USP32: variants seen among roughly 807,000 people sequenced by gnomAD.
The protein encoded by USP32 is ubiquitin specific peptidase 32, also known as ubiquitin carboxyl-terminal hydrolase 32.
Under a neutral mutation model 204.8 loss-of-function variants are expected in USP32, and 59 were observed. The ratio of observed to expected loss-of-function variants is 0.29; its 90% CI spans 0.23 to 0.36. The LOEUF (loss-of-function observed/expected upper bound fraction) is 0.36, where lower values mean the gene tolerates loss of function less well. Ranked by LOEUF, USP32 falls within the 10% of genes least tolerant of loss-of-function variation. The probability of loss-of-function intolerance (pLI) is 1.00; values close to 1 mark genes in which losing one functional copy is unlikely to be tolerated. For synonymous variants in USP32, 517 were observed against 678.4 expected (o/e 0.76, Z 3.70); for missense variants, 1,160 against 1,946.4 (o/e 0.60, Z 7.60).
intron 2 of USP32, among the ~76,000 whole-genome samples, chr17:60,328,977 C>T (rs1228251474): frequency 6.6e-6 from 1 of 152,174 alleles, no homozygotes; most frequent in East Asian, 1.9e-4. Context: ...GGCATGAGAT[C>T]CAGGCTGGTA....
intron 24 of USP32, 192 bp downstream of exon 24, chr17:60,207,867 T>A: frequency 1.1e-6 from 1 of 890,802 alleles, no homozygotes; most frequent in African/African-American, 1.8e-5. Context: ...ATCAGTATTA[T>A]CCCTTTATTC....
chr17:60,382,962 C>T (rs1057333661), intron 1 of USP32, among the ~76,000 whole-genome samples: 12 of 152,016 alleles, frequency 7.9e-5, no homozygotes, highest in African/African-American at 2.9e-4. Context: ...AAACTTTAAG[C>T]ACAGGCCGGG....
chr17:60,219,526 C>T, intron 16 of USP32, 144 bp downstream of exon 16: 1 of 1,120,844 alleles, frequency 8.9e-7, no homozygotes, highest in Non-Finnish European at 1.2e-6. Flanking sequence ...TGTATCAATA[C>T]AGTGGCACCA....
At chr17:60,330,687 C>G (rs1034018341) in intron 2 of USP32, among the ~76,000 whole-genome samples, 1 of 152,050 alleles carries the variant, frequency 6.6e-6, no homozygotes, top group Non-Finnish European at 1.5e-5. Flanking sequence ...GCTGGGACTA[C>G]AGACACATAT....
chr17:60,210,527 G>A (rs1311261949), intron 21 of USP32, among the ~76,000 whole-genome samples: 1 of 152,138 alleles, frequency 6.6e-6, no homozygotes, highest in East Asian at 1.9e-4. Context: ...GGCTGGTCTT[G>A]AACTCCTGGC....
intron 7 of USP32, among the ~76,000 whole-genome samples, chr17:60,266,430 G>A (rs1356707474): frequency 6.6e-6 from 1 of 152,134 alleles, no homozygotes; most frequent in African/African-American, 2.4e-5. Flanking sequence ...AGGAAGTAAT[G>A]CAAACCCCTA....
At chr17:60,235,020 A>G (rs1456460553) in intron 12 of USP32, among the ~76,000 whole-genome samples, 1 of 152,192 alleles carries the variant, frequency 6.6e-6, no homozygotes, top group Non-Finnish European at 1.5e-5. Context: ...CAAAAGGACT[A>G]TGGTAGGCAA....
intron 1 of USP32, among the ~76,000 whole-genome samples, chr17:60,346,749 C>T (rs1024179063): frequency 6.6e-6 from 1 of 152,132 alleles, no homozygotes; most frequent in African/African-American, 2.4e-5. Flanking sequence ...ACAGAGAATT[C>T]TTCCAGATGA....
chr17:60,257,796 GT>G (rs1024015584), intron 9 of USP32, among the ~76,000 whole-genome samples: 5 of 149,134 alleles, frequency 3.4e-5, no homozygotes, highest in South Asian at 2.1e-4. Flanking sequence ...GCTTTTTGGT[GT>G]TTTTTTTTTC....
intron 12 of USP32, among the ~76,000 whole-genome samples, chr17:60,228,256 T>C (rs566484434): frequency 6.6e-6 from 1 of 152,250 alleles, no homozygotes; most frequent in African/African-American, 2.4e-5. Flanking sequence ...ACACAAGTGA[T>C]CCACCTGCCT....
At chr17:60,349,991 G>GT (rs375659862) in intron 1 of USP32, among the ~76,000 whole-genome samples, 1 of 150,742 alleles carries the variant, frequency 6.6e-6, no homozygotes, top group Non-Finnish European at 1.5e-5. Flanking sequence ...CTGCTCTGTG[G>GT]TTTTTTCGTT....
intron 1 of USP32, chr17:60,421,914 G>A (rs983565855): frequency 4.8e-5 from 47 of 985,486 alleles, no homozygotes; most frequent in Non-Finnish European, 5.4e-5. Context: ...CGGGACCGCT[G>A]CGGTACCTGC....
At chr17:60,265,686 C>T (rs1188894078) in intron 8 of USP32, among the ~76,000 whole-genome samples, 1 of 152,192 alleles carries the variant, frequency 6.6e-6, no homozygotes, top group East Asian at 1.9e-4. Context: ...GCAAGAACTA[C>T]TGCGCCCGGC....
At chr17:60,412,949 G>T (rs1300561586) in intron 1 of USP32, among the ~76,000 whole-genome samples, 1 of 151,956 alleles carries the variant, frequency 6.6e-6, no homozygotes, top group Non-Finnish European at 1.5e-5. Context: ...TTAGAAACAC[G>T]CTCTAAAGTT....
chr17:60,352,859 A>T (rs1265506458), intron 1 of USP32, among the ~76,000 whole-genome samples: 1 of 152,228 alleles, frequency 6.6e-6, no homozygotes, highest in Non-Finnish European at 1.5e-5. Context: ...GATTCAAGAG[A>T]TAAACTCAAC....
chr17:60,288,482 A>G (rs201336325), intron 5 of USP32, 41 bp downstream of exon 5: 6 of 1,541,658 alleles, frequency 3.9e-6, no homozygotes, highest in Non-Finnish European at 5.2e-6. Flanking sequence ...TTATATATAT[A>G]AAAAAAGGCA....
At position 60,321,644 on chromosome 17, in the gene USP32, A is replaced by G. The variant is rs184028085; in HGVS notation, c.187-19940T>C. ...ATGAGGGCAAACATTCTTGAAATGA[A>G]TGGAAACACAACAGTTTAAACATAG... On this transcript the variant is annotated intron_variant, in intron 2 of 33. Transcript: ENST00000300896. 2.0e-3 allele frequency among the ~76,000 whole-genome samples: 304 copies of G among 152,372 alleles called. 1 individual carries two copies. The highest frequency in any genetic ancestry group is 6.9e-3 in the African/African-American group (285 of 41,588).
intron 2 of USP32, among the ~76,000 whole-genome samples, chr17:60,306,436 G>A (rs1045853726): frequency 5.9e-5 from 9 of 152,118 alleles, no homozygotes; most frequent in African/African-American, 1.4e-4. Context: ...TCAGGAGTTC[G>A]AGAGCTGCCT....
chr17:60,282,423 G>A lies in USP32; in HGVS notation c.571+6100C>T, dbSNP rs371927846. On this transcript the variant is annotated intron_variant, in intron 5 of 33. Transcript: ENST00000300896. ...GACTGGAGTGCAGTGGTGCAATCTCGGCTCACTGCAACCTCTGCCTCCCAG... is the reference window on the plus strand; with the variant it reads ...GACTGGAGTGCAGTGGTGCAATCTCAGCTCACTGCAACCTCTGCCTCCCAG... 1.3e-3 allele frequency among the ~76,000 whole-genome samples: 198 copies of A among 152,074 alleles called. 3 individuals are homozygous for A. The South Asian group carries it at 0.021, about 16-fold the overall frequency.
Sources: allele counts gnomAD v4.1 joint callset (sites outside exome capture counted in the v4.1 genomes callset), GRCh38; gene constraint gnomAD v4.1.1; transcripts MANE v1.5; gene names NCBI Gene and HGNC (gene_info 2026-07-23, HGNC 2026-07-21).